Variants in ROR1 observed in about 807,000 individuals in gnomAD.
ROR1 encodes ROR family WNT receptor 1.
In ROR1, 19 loss-of-function variants were observed where a neutral mutation model predicts 78.8. The ratio of observed to expected loss-of-function variants is 0.24; its 90% CI spans 0.17 to 0.35. ROR1 has a LOEUF of 0.35. ROR1 is among the 10% of genes least tolerant of loss of function. ROR1 has a pLI of 1.00. For synonymous variants in ROR1, 386 were observed against 433.6 expected (o/e 0.89, Z 1.36); for missense variants, 917 against 1,177.8 (o/e 0.78, Z 3.24).
rs145049900 is a variant in ROR1, at chr1:63,993,090, C to G, written c.92-16215C>G. ...GATACCTAAGTGACTGTTTACAGTT[C>G]CCCAAATTAGTATGGCTCCCTGGGG... On this transcript the variant is annotated intron_variant, in intron 1 of 8. Coordinates refer to ENST00000371079, the MANE Select transcript of ROR1 (RefSeq NM_005012.4). Among the ~76,000 whole-genome samples, 568 of 152,250 alleles carry G rather than the reference C, an allele frequency of 3.7e-3. 4 individuals carry two copies. Among genetic ancestry groups the G allele is most frequent in the African/African-American group, 0.013 (527 of 41,524 alleles).
Position 64,073,471 on chromosome 1 carries a change from C to G in ROR1, c.482+22755C>G, listed in dbSNP as rs17126097. 7.3e-3 allele frequency among the ~76,000 whole-genome samples: 1,104 copies of G among 152,172 alleles called. 16 individuals carry two copies. Among genetic ancestry groups the G allele is most frequent in the African/African-American group, 0.024 (991 of 41,516 alleles). On this transcript the variant is annotated intron_variant, in intron 4 of 8. Transcript: ENST00000371079. ...TGACTTCAATTTTTTGAAGACTGGG[C>G]CCTAAGAACTGGACATGATGAAGCT...
At chr1:63,812,805 C>T (rs1374916097) in intron 1 of ROR1, among the ~76,000 whole-genome samples, 11 of 152,000 alleles carry the variant, frequency 7.2e-5, no homozygotes, top group South Asian at 4.1e-4. Flanking sequence ...TAGTCCTCAC[C>T]GCCACCCACT....
chr1:64,127,316 G>T (rs1439423649), intron 4 of ROR1, among the ~76,000 whole-genome samples: 1 of 152,112 alleles, frequency 6.6e-6, no homozygotes, highest in Non-Finnish European at 1.5e-5. Flanking sequence ...TTAATCTCTG[G>T]ACCTAATTCT....
chr1:63,847,028 C>G (rs1439455632), intron 1 of ROR1, among the ~76,000 whole-genome samples: 1 of 152,194 alleles, frequency 6.6e-6, no homozygotes, highest in African/African-American at 2.4e-5. Context: ...GTCCAGTGTT[C>G]TTGCCTCTGT....
At chr1:63,824,264 A>C (rs542955594) in intron 1 of ROR1, among the ~76,000 whole-genome samples, 1 of 152,138 alleles carries the variant, frequency 6.6e-6, no homozygotes, top group Non-Finnish European at 1.5e-5. Flanking sequence ...GGCCATATAG[A>C]CTCTGTTGCA....
At chr1:64,002,259 G>T (rs1050809708) in intron 1 of ROR1, among the ~76,000 whole-genome samples, 4 of 150,676 alleles carry the variant, frequency 2.7e-5, no homozygotes, top group African/African-American at 9.8e-5. Context: ...TCAGCCTCCC[G>T]AGTAGCTGGG....
intron 1 of ROR1, among the ~76,000 whole-genome samples, chr1:63,818,776 C>T (rs1248318060): frequency 6.6e-6 from 1 of 152,144 alleles, no homozygotes; most frequent in East Asian, 1.9e-4. Context: ...CTTCTATGCA[C>T]CAGGCATGAT....
intron 1 of ROR1, among the ~76,000 whole-genome samples, chr1:63,790,665 G>A (rs1361936723): frequency 6.6e-6 from 1 of 152,098 alleles, no homozygotes; most frequent in Non-Finnish European, 1.5e-5. Context: ...CTACAGGGAC[G>A]GTGCACCTGC....
At chr1:63,984,944 A>G (rs1646239069) in intron 1 of ROR1, among the ~76,000 whole-genome samples, 1 of 152,142 alleles carries the variant, frequency 6.6e-6, no homozygotes, top group Non-Finnish European at 1.5e-5. Flanking sequence ...AATCTTTCCT[A>G]ATGGATTACC....
chr1:64,030,709 G>A (rs1646653058), intron 2 of ROR1, among the ~76,000 whole-genome samples: 1 of 152,122 alleles, frequency 6.6e-6, no homozygotes. Flanking sequence ...TCTGACTCAG[G>A]AATTCTCTAT....
At chr1:63,874,441 C>A (rs1400016352) in intron 1 of ROR1, among the ~76,000 whole-genome samples, 5 of 152,100 alleles carry the variant, frequency 3.3e-5, no homozygotes, top group African/African-American at 1.2e-4. Flanking sequence ...ATCATAGCAT[C>A]TGCTTATTAG....
chr1:64,152,411 G>A (rs1448017758), intron 7 of ROR1, among the ~76,000 whole-genome samples: 1 of 152,128 alleles, frequency 6.6e-6, no homozygotes. Flanking sequence ...AGAGGACCAC[G>A]ATGTTCTTGA....
At chr1:63,932,320 G>A (rs1645759314) in intron 1 of ROR1, among the ~76,000 whole-genome samples, 1 of 152,100 alleles carries the variant, frequency 6.6e-6, no homozygotes, top group Admixed American at 6.5e-5. Context: ...GTGGGTTGAT[G>A]GAGTCCCATT....
At chr1:64,035,890 C>T (rs781481225) in intron 2 of ROR1, among the ~76,000 whole-genome samples, 84 of 152,164 alleles carry the variant, frequency 5.5e-4, no homozygotes, top group Admixed American at 9.2e-4. Flanking sequence ...CCATCCACCT[C>T]GTCTGCTTTT....
intron 1 of ROR1, among the ~76,000 whole-genome samples, chr1:63,938,330 A>T (rs942483014): frequency 2.0e-5 from 3 of 152,192 alleles, no homozygotes; most frequent in African/African-American, 7.2e-5. Context: ...AAGCCATTTT[A>T]TATCACGGTC....
intron 7 of ROR1, among the ~76,000 whole-genome samples, chr1:64,152,143 AT>A (rs1372613773): frequency 6.6e-6 from 1 of 152,162 alleles, no homozygotes; most frequent in Non-Finnish European, 1.5e-5. Flanking sequence ...ACTGATTCCA[AT>A]TTTTTAAAAA....
chr1:63,997,380 C>T (rs1345208542), intron 1 of ROR1, among the ~76,000 whole-genome samples: 4 of 152,168 alleles, frequency 2.6e-5, no homozygotes, highest in Non-Finnish European at 5.9e-5. Context: ...TTAAGAGAAC[C>T]TTCAAGTTAG....
chr1:63,853,731 G>A (rs576193658), intron 1 of ROR1, among the ~76,000 whole-genome samples: 3 of 152,296 alleles, frequency 2.0e-5, no homozygotes, highest in Non-Finnish European at 2.9e-5. Flanking sequence ...TACCAATGGA[G>A]CATGAATGAA....
intron 1 of ROR1, among the ~76,000 whole-genome samples, chr1:64,003,186 TC>T (rs1224832966): frequency 1.3e-5 from 2 of 152,144 alleles, no homozygotes; most frequent in African/African-American, 4.8e-5. Context: ...ACCTTTTCCT[TC>T]CTTTTTTTTC....
Sources: allele counts gnomAD v4.1 joint callset (sites outside exome capture counted in the v4.1 genomes callset), GRCh38; gene constraint gnomAD v4.1.1; transcripts MANE v1.5; gene names NCBI Gene and HGNC (gene_info 2026-07-23, HGNC 2026-07-21).